The following RSRC1 variants were observed in gnomAD, a reference collection of about 807,000 sequenced individuals.
RSRC1 encodes the protein arginine and serine rich coiled-coil 1, also known as serine/Arginine-related protein 53.
RSRC1 carries 39 observed loss-of-function variants against 49.1 expected under a neutral mutation model. The observed-to-expected ratio is 0.79, with a 90% CI of 0.61 to 1.04. The LOEUF is 1.04. RSRC1 is among the 50% of genes least tolerant of loss of function. The pLI, the probability that RSRC1 is intolerant of heterozygous loss-of-function variation, is 0.00. For synonymous variants in RSRC1, 143 were observed against 130.8 expected (o/e 1.09, Z -0.63); for missense variants, 388 against 402.4 (o/e 0.96, Z 0.31).
At chr3:158,190,965 G>A (rs1003222445) in intron 3 of RSRC1, among the ~76,000 whole-genome samples, 2 of 151,890 alleles carry the variant, frequency 1.3e-5, no homozygotes, top group African/African-American at 4.8e-5. Context: ...CATGCAGGCT[G>A]GAGTACAGTG....
intron 4 of RSRC1, among the ~76,000 whole-genome samples, chr3:158,288,834 C>T (rs1376721715): frequency 6.9e-4 from 7 of 10,138 alleles, no homozygotes; most frequent in African/African-American, 2.5e-3. Flanking sequence ...GCACGTTCCC[C>T]GCCCCCCCCC....
intron 3 of RSRC1, among the ~76,000 whole-genome samples, chr3:158,126,689 G>C (rs1340407416): frequency 1.3e-5 from 2 of 152,056 alleles, no homozygotes; most frequent in African/African-American, 4.8e-5. Flanking sequence ...ATGTTTTCAT[G>C]TACTTTTGTG....
At chr3:158,508,428 T>C (rs1009061730) in intron 7 of RSRC1, among the ~76,000 whole-genome samples, 13 of 142,844 alleles carry the variant, frequency 9.1e-5, no homozygotes, top group African/African-American at 3.0e-4. Context: ...TTTTTCTTTC[T>C]TAACTATCCA....
chr3:158,189,557 G>A (rs534969942), intron 3 of RSRC1, among the ~76,000 whole-genome samples: 1 of 151,876 alleles, frequency 6.6e-6, no homozygotes, highest in African/African-American at 2.4e-5. Flanking sequence ...ATCTGACATT[G>A]GTATGGTTTC....
chr3:158,196,522 A>C (rs1463627443), intron 3 of RSRC1, among the ~76,000 whole-genome samples: 1 of 152,166 alleles, frequency 6.6e-6, no homozygotes. Context: ...CCCTGGCCAG[A>C]ACTTCTAACA....
chr3:158,322,482 C>A (rs1728818384), intron 5 of RSRC1, among the ~76,000 whole-genome samples: 1 of 152,152 alleles, frequency 6.6e-6, no homozygotes, highest in Admixed American at 6.5e-5. Context: ...TTATCTTTTA[C>A]TTGTATGTGT....
chr3:158,468,900 A>G (rs1299351544), intron 7 of RSRC1, among the ~76,000 whole-genome samples: 3 of 152,170 alleles, frequency 2.0e-5, no homozygotes, highest in African/African-American at 7.2e-5. Context: ...TTTCACTAAG[A>G]TTTATTCTGA....
chr3:158,536,392 G>A (rs2363657), intron 7 of RSRC1, among the ~76,000 whole-genome samples: 25,608 of 151,366 alleles, frequency 0.17, 2,366 homozygotes, highest in African/African-American at 0.24. Context: ...GACTGTAAGT[G>A]ATAGAAAGAG....
chr3:158,365,605 C>A (rs138463917), intron 6 of RSRC1, among the ~76,000 whole-genome samples: 5 of 152,294 alleles, frequency 3.3e-5, no homozygotes, highest in African/African-American at 1.2e-4. Context: ...CTGCAGTAAA[C>A]ATACATGTGC....
chr3:158,269,746 C>T (rs1045965060), intron 4 of RSRC1, among the ~76,000 whole-genome samples: 4 of 152,062 alleles, frequency 2.6e-5, no homozygotes, highest in East Asian at 1.9e-4. Context: ...CTCTTGACCT[C>T]GTGATCTGCC....
chr3:158,375,624 T>C (rs1732318383), intron 6 of RSRC1, among the ~76,000 whole-genome samples: 1 of 152,196 alleles, frequency 6.6e-6, no homozygotes, highest in African/African-American at 2.4e-5. Context: ...TAATTATAAA[T>C]AAATTGTATG....
intron 1 of RSRC1, among the ~76,000 whole-genome samples, chr3:158,119,631 A>G (rs1487275195): frequency 6.6e-6 from 1 of 151,854 alleles, no homozygotes; most frequent in African/African-American, 2.4e-5. Flanking sequence ...TGTGTATAAT[A>G]TACACACATA....
chr3:158,263,638 G>A (rs967832928), intron 4 of RSRC1, among the ~76,000 whole-genome samples: 16 of 152,170 alleles, frequency 1.1e-4, no homozygotes, highest in Non-Finnish European at 1.9e-4. Flanking sequence ...TAGGCATGAA[G>A]CCATTTGGGC....
At chr3:158,134,096 G>A (rs947095247) in intron 3 of RSRC1, among the ~76,000 whole-genome samples, 2 of 81,552 alleles carry the variant, frequency 2.5e-5, no homozygotes, top group African/African-American at 9.7e-5. Flanking sequence ...TCAAGGAAAT[G>A]AGAATAATAA....
At chr3:158,533,000 G>GA (rs1712489143) in intron 7 of RSRC1, among the ~76,000 whole-genome samples, 1 of 151,664 alleles carries the variant, frequency 6.6e-6, no homozygotes, top group African/African-American at 2.4e-5. Flanking sequence ...AAATTGACAT[G>GA]AAAAACTTAA....
At chr3:158,463,857 T>C (rs1185601946) in intron 7 of RSRC1, among the ~76,000 whole-genome samples, 1 of 152,152 alleles carries the variant, frequency 6.6e-6, no homozygotes, top group Non-Finnish European at 1.5e-5. Flanking sequence ...TTCATGTCCT[T>C]ATATAGTTCA....
intron 4 of RSRC1, among the ~76,000 whole-genome samples, chr3:158,294,116 A>AT (rs1445174400): frequency 6.6e-6 from 1 of 151,436 alleles, no homozygotes; most frequent in East Asian, 1.9e-4. Context: ...CTTCTCTTCC[A>AT]TTTTTTTTAA....
At chr3:158,329,935 G>A (rs1204808775) in intron 5 of RSRC1, among the ~76,000 whole-genome samples, 1 of 152,168 alleles carries the variant, frequency 6.6e-6, no homozygotes, top group African/African-American at 2.4e-5. Flanking sequence ...CAGCAGCGGT[G>A]GGCACCCCTC....
At chr3:158,312,328 A>G (rs1272894102) in intron 5 of RSRC1, among the ~76,000 whole-genome samples, 2 of 151,938 alleles carry the variant, frequency 1.3e-5, no homozygotes, top group East Asian at 1.9e-4. Context: ...GCAGAGCATG[A>G]GTAGATCTTG....
Sources: allele counts gnomAD v4.1 joint callset (sites outside exome capture counted in the v4.1 genomes callset), GRCh38; gene constraint gnomAD v4.1.1; transcripts MANE v1.5; gene names NCBI Gene and HGNC (gene_info 2026-07-23, HGNC 2026-07-21).